SLC44A1: variants seen among roughly 807,000 people sequenced by gnomAD.
SLC44A1 encodes choline transporter-like protein 1.
SLC44A1 carries 26 observed loss-of-function variants against 79.3 expected under a neutral mutation model. That is an observed-to-expected ratio of 0.33 (90% confidence interval 0.24 to 0.46). SLC44A1 has a LOEUF of 0.46. Among genes scored for constraint, SLC44A1 ranks in the 20% least tolerant of loss-of-function variants. The pLI is 1.00. For missense variants in SLC44A1, 688 were observed against 798.1 expected, an observed-to-expected ratio of 0.86 and a Z score of 1.66; for synonymous variants, 263 against 286.2, an observed-to-expected ratio of 0.92 and a Z score of 0.82.
chr9:105,398,078 G>A (rs115760251), downstream of SLC44A1, among the ~76,000 whole-genome samples: 469 of 152,346 alleles, frequency 3.1e-3, 5 homozygotes, highest in African/African-American at 0.011. Context: ...TGAGTTTAGT[G>A]CGTTTGTGAA....
intron 15 of SLC44A1, among the ~76,000 whole-genome samples, chr9:105,423,062 G>A (rs1044359768): frequency 2.6e-4 from 39 of 152,356 alleles, no homozygotes; most frequent in Admixed American, 2.4e-3. Context: ...GAGGGAGACA[G>A]AATTTGAGTG....
At position 105,393,720 on chromosome 9, in the gene SLC44A1, A is replaced by T; in HGVS notation, c.*4664A>T. 1.0e-6 allele frequency: 1 copy of T among 984,850 alleles called. No homozygotes were observed. Among genetic ancestry groups the T allele is most frequent in the Non-Finnish European group, 1.2e-6 (1 of 829,412 alleles). 61.0% of individuals were successfully genotyped at this position (984,850 alleles called of 1,614,324 possible). A position where few individuals can be genotyped will look rare whatever the true frequency, so the allele number is the denominator to read the frequency against. ...ATGAACAATTGCCACTTTGTAAATT[A>T]TATGGACAGAATGTGTTCTAAGGAA... On this transcript the variant is annotated 3_prime_UTR_variant, in exon 16 of 16. Coordinates refer to ENST00000374720, the MANE Select transcript of SLC44A1 (RefSeq NM_080546.5).
At chr9:105,424,202 C>A (rs1342425073) in intron 15 of SLC44A1, among the ~76,000 whole-genome samples, 1 of 152,178 alleles carries the variant, frequency 6.6e-6, no homozygotes, top group Admixed American at 6.5e-5. Context: ...GGCAAGGAGT[C>A]CACCATGGGA....
At chr9:105,289,341 T>A (rs1214891293) in intron 1 of SLC44A1, among the ~76,000 whole-genome samples, 1 of 152,340 alleles carries the variant, frequency 6.6e-6, no homozygotes, top group African/African-American at 2.4e-5. Flanking sequence ...CTGTACACAT[T>A]GTTTTGCATG....
chr9:105,305,587 T>G (rs1240339921), intron 2 of SLC44A1, among the ~76,000 whole-genome samples: 1 of 151,850 alleles, frequency 6.6e-6, no homozygotes, highest in Non-Finnish European at 1.5e-5. Context: ...GTGAAGGAGG[T>G]GGTATCTGAG....
At chr9:105,380,299 A>C (rs1175892085) in intron 13 of SLC44A1, among the ~76,000 whole-genome samples, 1 of 152,162 alleles carries the variant, frequency 6.6e-6, no homozygotes, top group Non-Finnish European at 1.5e-5. Flanking sequence ...TAAAGCATGA[A>C]TCTCTTCTAC....
intron 6 of SLC44A1, among the ~76,000 whole-genome samples, chr9:105,357,512 T>G (rs905573510): frequency 5.3e-5 from 8 of 152,216 alleles, no homozygotes; most frequent in Non-Finnish European, 1.0e-4. Context: ...AAAAAATCTT[T>G]GTTCATTTGT....
chr9:105,297,968 C>G (rs996411187), intron 1 of SLC44A1, among the ~76,000 whole-genome samples: 1 of 152,134 alleles, frequency 6.6e-6, no homozygotes, highest in Non-Finnish European at 1.5e-5. Flanking sequence ...CCTTCTTTCT[C>G]CCTTCACTGC....
chr9:105,342,306 A>G (rs1827118591), intron 4 of SLC44A1, among the ~76,000 whole-genome samples: 2 of 152,328 alleles, frequency 1.3e-5, no homozygotes, highest in Non-Finnish European at 2.9e-5. Context: ...GATACAGATC[A>G]TCCCTTTGTC....
At chr9:105,297,500 C>T (rs1170577780) in intron 1 of SLC44A1, among the ~76,000 whole-genome samples, 2 of 152,194 alleles carry the variant, frequency 1.3e-5, no homozygotes, top group African/African-American at 2.4e-5. Flanking sequence ...TTTCCTGCCT[C>T]AGCCTCCCAA....
At chr9:105,314,390 T>C (rs1334267383) in intron 3 of SLC44A1, among the ~76,000 whole-genome samples, 1 of 152,218 alleles carries the variant, frequency 6.6e-6, no homozygotes, top group African/African-American at 2.4e-5. Flanking sequence ...CTTAATCTTT[T>C]TGACATAAGT....
chr9:105,319,911 C>G (rs1826330948), intron 3 of SLC44A1, among the ~76,000 whole-genome samples: 1 of 152,148 alleles, frequency 6.6e-6, no homozygotes, highest in Non-Finnish European at 1.5e-5. Flanking sequence ...TTTACTCATT[C>G]AAGTGTAGTT....
chr9:105,430,990 G>C (rs1829385398), intron 15 of SLC44A1, among the ~76,000 whole-genome samples: 2 of 152,068 alleles, frequency 1.3e-5, no homozygotes, highest in Non-Finnish European at 2.9e-5. Context: ...ATCTCAGTGT[G>C]GTTTTGTTTT....
chr9:105,372,875 G>T (rs1222837586), intron 12 of SLC44A1, among the ~76,000 whole-genome samples: 2 of 149,164 alleles, frequency 1.3e-5, no homozygotes, highest in South Asian at 2.2e-4. Flanking sequence ...GCGTGAACCC[G>T]GGAGGCGGAG....
chr9:105,366,156 T>TTTTTTTTAATTGAACTTATTA (rs1827934433), intron 11 of SLC44A1, among the ~76,000 whole-genome samples, 190 bp from the exon 12 acceptor site: 1 of 152,216 alleles, frequency 6.6e-6, no homozygotes, highest in African/African-American at 2.4e-5. Flanking sequence ...AGAGACTAAA[T>TTTTTTTTAATTGAACTTATTA]AAATATTTAA....
At chr9:105,269,330 T>C (rs1441875709) in intron 1 of SLC44A1, among the ~76,000 whole-genome samples, 1 of 152,194 alleles carries the variant, frequency 6.6e-6, no homozygotes, top group East Asian at 1.9e-4. Flanking sequence ...GACACTCTTT[T>C]TAACTGGTCA....
intron 15 of SLC44A1, among the ~76,000 whole-genome samples, chr9:105,403,477 A>G (rs1035824292): frequency 6.6e-6 from 1 of 151,940 alleles, no homozygotes; most frequent in African/African-American, 2.4e-5. Context: ...GTTACACGAC[A>G]TGGTTCTTGG....
intron 15 of SLC44A1, among the ~76,000 whole-genome samples, chr9:105,427,295 G>A (rs538109857): frequency 2.9e-4 from 44 of 151,890 alleles, no homozygotes; most frequent in Non-Finnish European, 5.4e-4. Context: ...CTTGAAAGCA[G>A]GACCAAGTTA....
intron 1 of SLC44A1, among the ~76,000 whole-genome samples, chr9:105,298,443 C>CTTG (rs1327556387): frequency 6.6e-6 from 1 of 152,166 alleles, no homozygotes; most frequent in Non-Finnish European, 1.5e-5. Flanking sequence ...ACCTCCGCCT[C>CTTG]TTGAATTCAA....
Sources: gnomAD v4.1 joint callset for allele counts (sites outside exome capture counted in the v4.1 genomes callset) on GRCh38, gnomAD v4.1.1 for gene constraint, MANE v1.5 for transcripts, NCBI Gene and HGNC (gene_info 2026-07-23, HGNC 2026-07-21) for gene names.